Variants in ROR1 observed in about 807,000 individuals in gnomAD.
The protein encoded by ROR1 is inactive tyrosine-protein kinase transmembrane receptor ROR1.
In ROR1, 19 loss-of-function variants were observed where a neutral mutation model predicts 78.8. The ratio of observed to expected loss-of-function variants is 0.24; its 90% confidence interval spans 0.17 to 0.35. The LOEUF (loss-of-function observed/expected upper bound fraction) is 0.35, where lower values mean the gene tolerates loss of function less well. ROR1 is among the 10% of genes least tolerant of loss of function. ROR1 has a pLI of 1.00. For missense variants in ROR1, 917 were observed against 1,177.8 expected (o/e 0.78, Z 3.24); for synonymous variants, 386 against 433.6 (o/e 0.89, Z 1.36).
At chr1:63,948,554 A>G (rs533495484) in intron 1 of ROR1, among the ~76,000 whole-genome samples, 1 of 152,318 alleles carries the variant, frequency 6.6e-6, no homozygotes, top group South Asian at 2.1e-4. Flanking sequence ...TGTTCAGTAA[A>G]GAAGATGGCC....
chr1:63,993,443 G>GTGTAGACA (rs1259710379), intron 1 of ROR1, among the ~76,000 whole-genome samples: 3 of 152,112 alleles, frequency 2.0e-5, no homozygotes, highest in Admixed American at 1.3e-4. Flanking sequence ...CCCTTCTCTG[G>GTGTAGACA]TGTAGACACT....
At chr1:63,958,609 G>T (rs2100481485) in intron 1 of ROR1, among the ~76,000 whole-genome samples, 1 of 152,310 alleles carries the variant, frequency 6.6e-6, no homozygotes. Flanking sequence ...ACAATTTAAA[G>T]TTTTATCCTC....
chr1:64,169,978 A>G (rs2100739529), intron 8 of ROR1, among the ~76,000 whole-genome samples: 1 of 152,322 alleles, frequency 6.6e-6, no homozygotes, highest in East Asian at 1.9e-4. Flanking sequence ...GCACCTTTGC[A>G]GGGTAGAGTA....
intron 2 of ROR1, among the ~76,000 whole-genome samples, chr1:64,017,763 C>G (rs1305476120): frequency 6.6e-6 from 1 of 152,166 alleles, no homozygotes; most frequent in Non-Finnish European, 1.5e-5. Flanking sequence ...CTCCATCCTC[C>G]CAGCAACCGC....
intron 1 of ROR1, among the ~76,000 whole-genome samples, chr1:63,935,796 A>G (rs1645789470): frequency 6.6e-6 from 1 of 152,240 alleles, no homozygotes; most frequent in South Asian, 2.1e-4. Flanking sequence ...TGGTTAACCC[A>G]GAGGTCAAAA....
At chr1:64,066,134 G>A (rs1569666602) in intron 4 of ROR1, among the ~76,000 whole-genome samples, 1 of 152,062 alleles carries the variant, frequency 6.6e-6, no homozygotes, top group African/African-American at 2.4e-5. Context: ...TGATGTCCTT[G>A]TCTTCTACTC....
At chr1:63,776,458 C>A (rs577755441) in intron 1 of ROR1, among the ~76,000 whole-genome samples, 2 of 152,138 alleles carry the variant, frequency 1.3e-5, no homozygotes, top group East Asian at 3.8e-4. Context: ...AGGGGGTCCA[C>A]GTGAGAGGGT....
At chr1:64,141,362 A>C (rs1192381291) in intron 6 of ROR1, among the ~76,000 whole-genome samples, 2 of 150,524 alleles carry the variant, frequency 1.3e-5, no homozygotes, top group Non-Finnish European at 2.9e-5. Flanking sequence ...CAAGAGAGTG[A>C]GTGGGGAAGT....
chr1:63,960,942 A>G (rs564587010), intron 1 of ROR1, among the ~76,000 whole-genome samples: 1 of 152,264 alleles, frequency 6.6e-6, no homozygotes, highest in East Asian at 1.9e-4. Context: ...GAAACAGGAG[A>G]ATTAACATGA....
intron 4 of ROR1, among the ~76,000 whole-genome samples, chr1:64,104,290 A>G (rs1647696330): frequency 6.6e-6 from 1 of 152,114 alleles, no homozygotes; most frequent in Admixed American, 6.5e-5. Context: ...AGCTGTCTCT[A>G]CCACACTCAG....
intron 1 of ROR1, among the ~76,000 whole-genome samples, chr1:63,855,583 A>G (rs765158931): frequency 6.7e-6 from 1 of 150,324 alleles, no homozygotes; most frequent in Non-Finnish European, 1.5e-5. Context: ...GTCTAATCTG[A>G]TGTTAATCCC....
intron 4 of ROR1, chr1:64,066,799 A>T (rs1478204841): frequency 6.6e-6 from 1 of 152,190 alleles, no homozygotes; most frequent in Non-Finnish European, 1.5e-5. Context: ...TATATATTTT[A>T]TTTAACCCAA....
At chr1:63,965,704 T>C (rs1024664490) in intron 1 of ROR1, among the ~76,000 whole-genome samples, 2 of 152,228 alleles carry the variant, frequency 1.3e-5, no homozygotes, top group African/African-American at 4.8e-5. Flanking sequence ...AATTCTACAC[T>C]TTTATTTCCT....
chr1:64,172,288 A>G (rs774304609), intron 8 of ROR1, among the ~76,000 whole-genome samples: 2 of 152,120 alleles, frequency 1.3e-5, no homozygotes, highest in African/African-American at 2.4e-5. Flanking sequence ...GTTTTTCCTT[A>G]ATTTTCCTTC....
At chr1:64,017,050 G>T (rs1170947182) in intron 2 of ROR1, among the ~76,000 whole-genome samples, 1 of 151,782 alleles carries the variant, frequency 6.6e-6, no homozygotes, top group Non-Finnish European at 1.5e-5. Flanking sequence ...CCAAGTCGCT[G>T]GGACCACAGG....
chr1:64,131,139 C>T (rs767604643), intron 4 of ROR1, among the ~76,000 whole-genome samples: 2 of 152,256 alleles, frequency 1.3e-5, no homozygotes, highest in East Asian at 3.9e-4. Context: ...ACCTATGGAC[C>T]GTCCATCTCT....
Position 64,049,953 on chromosome 1 carries a change from C to T in ROR1, c.426C>T (p.Ser142=). The change falls in exon 3 of 9, where the codon TCC becomes TCT. Residue 142 remains serine, a synonymous_variant. Transcript: ENST00000371079. ...VATNGKEVVS[S]TGVLFVKFGP... ...CAAACGGCAAGGAGGTGGTTTCTTC[C>T]ACTGGAGTCTTGTTTGTCAAGTTTG... 1 of 1,614,180 alleles carries T rather than the reference C, an allele frequency of 6.2e-7. No individual in the cohort carries two copies. The highest frequency in any genetic ancestry group is 8.5e-7 in the Non-Finnish European group (1 of 1,180,034).
chr1:63,950,497 G>A (rs1019998202), intron 1 of ROR1, among the ~76,000 whole-genome samples: 2 of 152,172 alleles, frequency 1.3e-5, no homozygotes, highest in Non-Finnish European at 2.9e-5. Flanking sequence ...CACTTTCATC[G>A]CCATCTTGGT....
chr1:63,825,831 A>G (rs188873551), intron 1 of ROR1, among the ~76,000 whole-genome samples: 19 of 152,312 alleles, frequency 1.2e-4, no homozygotes, highest in South Asian at 2.1e-4. Flanking sequence ...AGTAGGTTCA[A>G]TTTGAGCCAT....
Sources: allele counts gnomAD v4.1 joint callset (sites outside exome capture counted in the v4.1 genomes callset), GRCh38; gene constraint gnomAD v4.1.1; transcripts MANE v1.5; gene names NCBI Gene and HGNC (gene_info 2026-07-23, HGNC 2026-07-21).